Variants in DOCK2 observed in about 807,000 individuals in gnomAD.
DOCK2 encodes the protein dedicator of cytokinesis 2.
In DOCK2, 87 loss-of-function variants were observed where a neutral mutation model predicts 248.9. The ratio of observed to expected loss-of-function variants is 0.35; its 90% CI spans 0.29 to 0.42. The LOEUF is 0.42. DOCK2 is among the 10% of genes least tolerant of loss of function. DOCK2 has a pLI of 1.00. For synonymous variants in DOCK2, 805 were observed against 821.6 expected (o/e 0.98, Z 0.35); for missense variants, 1,747 against 2,300.2 (o/e 0.76, Z 4.92).
At chr5:169,755,305 C>T (rs1181521279) in intron 23 of DOCK2, among the ~76,000 whole-genome samples, 2 of 152,074 alleles carry the variant, frequency 1.3e-5, no homozygotes, top group African/African-American at 2.4e-5. Context: ...TGTGTATATG[C>T]ATCACATGTA....
rs114142577 is a variant in DOCK2 at position 169,775,583 on chromosome 5, G to A, written c.2554+13958G>A. 8.2e-3 allele frequency among the ~76,000 whole-genome samples: 1,250 copies of A among 151,592 alleles called. 9 individuals carry two copies. Among genetic ancestry groups the A allele is most frequent in the Non-Finnish European group, 0.014 (936 of 67,896 alleles). On this transcript the variant is annotated intron_variant, in intron 25 of 51. Transcript: ENST00000520908. Reference sequence around the variant, plus strand: ...TATAGAGTTTTAATAAATTTATAAGGTTTTCATTAATTTATTATAAATAAA... The same window carrying A: ...TATAGAGTTTTAATAAATTTATAAGATTTTCATTAATTTATTATAAATAAA...
intron 22 of DOCK2, among the ~76,000 whole-genome samples, chr5:169,719,599 C>T (rs100214): frequency 0.61 from 92,349 of 152,024 alleles, 28,368 homozygotes; most frequent in East Asian, 0.76. Flanking sequence ...AGATGCTCAG[C>T]GTTATTGGGA....
intron 29 of DOCK2, among the ~76,000 whole-genome samples, chr5:169,986,300 G>A (rs1312405621): frequency 6.6e-6 from 1 of 152,176 alleles, no homozygotes; most frequent in Non-Finnish European, 1.5e-5. Context: ...AAACAGATTT[G>A]AACAGATTTC....
chr5:170,064,241 A>G (rs1757421700), intron 44 of DOCK2, among the ~76,000 whole-genome samples: 1 of 152,122 alleles, frequency 6.6e-6, no homozygotes, highest in Non-Finnish European at 1.5e-5. Context: ...AAATGAAGAA[A>G]CAGGGTAATA....
intron 27 of DOCK2, among the ~76,000 whole-genome samples, chr5:169,864,033 G>A (rs1386107472): frequency 1.3e-5 from 2 of 152,180 alleles, no homozygotes; most frequent in African/African-American, 4.8e-5. Context: ...CAGGGAACTT[G>A]GCAAGCGGTC....
At chr5:169,784,271 T>C (rs796148264) in intron 25 of DOCK2, among the ~76,000 whole-genome samples, 8 of 152,252 alleles carry the variant, frequency 5.3e-5, no homozygotes, top group African/African-American at 1.9e-4. Flanking sequence ...TTTCAGACGA[T>C]GATGATGATA....
At position 170,047,573 on chromosome 5, in the gene DOCK2, G is replaced by T. The variant is rs1756759257; in HGVS notation, c.4030G>T (p.Ala1344Ser). The T allele has an allele frequency of 6.2e-7, 1 of 1,613,776 alleles. No individual in the cohort carries two copies. The highest frequency in any genetic ancestry group is 1.1e-5 in the South Asian group (1 of 91,008). Residue 1344 changes from alanine to serine, a missense_variant, in exon 40 of 52, where the codon GCT becomes TCT. Ala to Ser is a moderately conservative substitution (Grantham distance 99, BLOSUM62 1). Around this residue, in one of 4 missense-constraint regions of DOCK2, gnomAD observed 858 missense variants for 1,183.5 expected, o/e 0.72. Coordinates refer to ENST00000520908, the MANE Select transcript of DOCK2 (RefSeq NM_004946.3). ...CCTCAGGCCCAAACCAGACTACTTT[G>T]CTGTTGGATACTACGGCCAGGGATT... ...KILRPKPDYF[A>S]VGYYGQGFPS...
At chr5:170,022,676 A>G (rs1188571721) in intron 33 of DOCK2, among the ~76,000 whole-genome samples, 3 of 152,054 alleles carry the variant, frequency 2.0e-5, no homozygotes, top group African/African-American at 7.2e-5. Context: ...AACGTATCCT[A>G]TCCTGCCTGG....
chr5:170,039,474 G>A (rs1290576208), intron 36 of DOCK2, among the ~76,000 whole-genome samples: 2 of 152,148 alleles, frequency 1.3e-5, no homozygotes, highest in East Asian at 3.8e-4. Flanking sequence ...TTATCTCTAA[G>A]GCCTGTTATA....
intron 27 of DOCK2, among the ~76,000 whole-genome samples, chr5:169,877,537 A>G (rs915116487): frequency 2.6e-5 from 4 of 152,200 alleles, no homozygotes; most frequent in African/African-American, 9.7e-5. Context: ...GTGTTGAACA[A>G]AGTAAATATG....
At chr5:169,782,876 G>A (rs1178972150) in intron 25 of DOCK2, among the ~76,000 whole-genome samples, 1 of 152,146 alleles carries the variant, frequency 6.6e-6, no homozygotes, top group Non-Finnish European at 1.5e-5. Flanking sequence ...TGTGATAGTT[G>A]GAGCCACATT....
chr5:170,082,131 C>A, intron 51 of DOCK2, 147 bp downstream of exon 51: 1 of 1,170,204 alleles, frequency 8.5e-7, no homozygotes, highest in Non-Finnish European at 1.2e-6. Context: ...TTCTGGGACA[C>A]TGTGCAGCAA....
chr5:169,935,524 A>G (rs1407723586), intron 27 of DOCK2, among the ~76,000 whole-genome samples: 1 of 152,160 alleles, frequency 6.6e-6, no homozygotes, highest in African/African-American at 2.4e-5. Flanking sequence ...AGCCATTCGG[A>G]TATCAGGTCA....
At chr5:169,709,917 G>T (rs1241792079) in intron 15 of DOCK2, among the ~76,000 whole-genome samples, 3 of 152,136 alleles carry the variant, frequency 2.0e-5, no homozygotes, top group Non-Finnish European at 4.4e-5. Flanking sequence ...TGACTACCGA[G>T]CATTTTCCTT....
chr5:169,850,245 T>A (rs1379211671), intron 27 of DOCK2, among the ~76,000 whole-genome samples: 10 of 152,112 alleles, frequency 6.6e-5, no homozygotes, highest in Admixed American at 6.5e-4. Context: ...CTGTCTCATC[T>A]CAAAGAGGAA....
At chr5:169,675,009 G>A (rs1274956620) in intron 6 of DOCK2, among the ~76,000 whole-genome samples, 2 of 152,220 alleles carry the variant, frequency 1.3e-5, no homozygotes, top group African/African-American at 4.8e-5. Flanking sequence ...CTCTTAATCA[G>A]AGCTCATTGT....
intron 27 of DOCK2, among the ~76,000 whole-genome samples, chr5:169,858,041 A>G (rs1036894755): frequency 2.0e-5 from 3 of 152,218 alleles, no homozygotes; most frequent in Admixed American, 1.3e-4. Context: ...CTATGGTACC[A>G]TCCTAATATG....
chr5:169,748,356 T>C (rs1041401192), intron 23 of DOCK2, among the ~76,000 whole-genome samples: 6 of 152,068 alleles, frequency 3.9e-5, no homozygotes, highest in Admixed American at 1.3e-4. Context: ...ACTGTGCACG[T>C]TAGAATTGTG....
chr5:169,806,822 A>G (rs1182322992), intron 26 of DOCK2, among the ~76,000 whole-genome samples: 2 of 151,764 alleles, frequency 1.3e-5, no homozygotes, highest in African/African-American at 4.8e-5. Flanking sequence ...CAACTTTCCA[A>G]TCTTGGGGTA....
Sources: gnomAD v4.1 joint callset for allele counts (sites outside exome capture counted in the v4.1 genomes callset) on GRCh38, gnomAD v4.1.1 for gene constraint, gnomAD v4.1.1 regional missense constraint, MANE v1.5 for transcripts, NCBI Gene and HGNC (gene_info 2026-07-23, HGNC 2026-07-21) for gene names.